Variants in ATP6V0A4 observed in about 807,000 individuals in gnomAD.
ATP6V0A4 encodes the protein ATPase H+ transporting V0 subunit a4.
ATP6V0A4 carries 86 observed loss-of-function variants against 107.3 expected under a neutral mutation model. The ratio of observed to expected loss-of-function variants is 0.80; its 90% CI spans 0.67 to 0.96. ATP6V0A4 has a LOEUF of 0.96. Ranked by LOEUF, ATP6V0A4 falls within the 40% of genes least tolerant of loss-of-function variation. ATP6V0A4 has a pLI of 0.00. For missense variants in ATP6V0A4, 908 were observed against 1,045.6 expected, an observed-to-expected ratio of 0.87 and a Z score of 1.81; for synonymous variants, 353 against 381.4, an observed-to-expected ratio of 0.93 and a Z score of 0.87.
chr7:138,745,487 T>A (rs1805868537), intron 13 of ATP6V0A4: 1 of 251,824 alleles, frequency 4.0e-6, no homozygotes. Flanking sequence ...AGTCCTAGGC[T>A]GGTATTTGTT....
chr7:138,766,573 C>T (rs1186552665), intron 5 of ATP6V0A4, among the ~76,000 whole-genome samples: 3 of 151,756 alleles, frequency 2.0e-5, no homozygotes, highest in East Asian at 1.9e-4. Context: ...AAAAGATAAA[C>T]GATATAGCCC....
rs1803368359 is a variant in ATP6V0A4 at position 138,706,412 on chromosome 7, C to A, written c.*212G>T. The A allele has an allele frequency of 1.7e-6, 1 of 587,844 alleles. No homozygotes were observed. Among genetic ancestry groups the A allele is most frequent in the African/African-American group, 1.9e-5 (1 of 54,002 alleles). 36.4% of individuals were successfully genotyped at this position (587,844 alleles called of 1,614,324 possible). A position where few individuals can be genotyped will look rare whatever the true frequency, so the allele number is the denominator to read the frequency against. On this transcript the variant is annotated 3_prime_UTR_variant, in exon 22 of 22. Transcript: ENST00000310018. The stretch of plus-strand genomic sequence containing the variant: ...TTATTATTTGAGAATTAATACCCCA[C>A]ATGAAGACAATATCACTTGCCAAAG...
chr7:138,738,506 GAC>G (rs1249168434), intron 15 of ATP6V0A4, among the ~76,000 whole-genome samples: 1 of 152,134 alleles, frequency 6.6e-6, no homozygotes. Flanking sequence ...AAATTCCTTT[GAC>G]CAAGGACAAC....
chr7:138,712,349 G>T (rs6467792), intron 20 of ATP6V0A4, among the ~76,000 whole-genome samples: 2 of 152,048 alleles, frequency 1.3e-5, no homozygotes, highest in African/African-American at 4.8e-5. Context: ...CCAGGGATGG[G>T]TCTAAATAAG....
intron 20 of ATP6V0A4, among the ~76,000 whole-genome samples, chr7:138,711,253 T>C (rs1803727045): frequency 6.6e-6 from 1 of 152,048 alleles, no homozygotes; most frequent in South Asian, 2.1e-4. Flanking sequence ...AGGTCATGGA[T>C]GGGGATCGGA....
At chr7:138,783,383 C>T (rs4732337) in intron 2 of ATP6V0A4, among the ~76,000 whole-genome samples, 45,641 of 151,578 alleles carry the variant, frequency 0.3, 8,127 homozygotes, top group East Asian at 0.5. Flanking sequence ...CCAGTCTGGG[C>T]AACATAGCAA....
rs777229043 is a variant in ATP6V0A4, at chr7:138,771,268, C to T, written c.-17-4G>A. ...ACCATCTTGGCCCAGCCTCGGTCTA[C>T]AGGAGAAAAAGAAAAAGATATTAAT... On this transcript the variant is annotated splice_polypyrimidine_tract_variant and splice_region_variant and intron_variant, in intron 2 of 21. Coordinates refer to ENST00000310018, the MANE Select transcript of ATP6V0A4 (RefSeq NM_020632.3). 6 of 1,611,716 alleles carry T rather than the reference C, an allele frequency of 3.7e-6. No homozygotes were observed. The highest frequency in any genetic ancestry group is 1.6e-4 in the Middle Eastern group (1 of 6,078).
At chr7:138,765,735 G>GGTTAAT (rs373419932) in intron 5 of ATP6V0A4, among the ~76,000 whole-genome samples, 12 of 151,232 alleles carry the variant, frequency 7.9e-5, no homozygotes, top group African/African-American at 2.9e-4. Context: ...TTATGCTGGT[G>GGTTAAT]GTTTTTGTTT....
At chr7:138,736,813 C>G (rs1384549535) in intron 15 of ATP6V0A4, among the ~76,000 whole-genome samples, 1 of 151,888 alleles carries the variant, frequency 6.6e-6, no homozygotes, top group African/African-American at 2.4e-5. Context: ...TCAAATGATC[C>G]GCATGCCTTG....
intron 2 of ATP6V0A4, among the ~76,000 whole-genome samples, chr7:138,784,395 T>C (rs1475568197): frequency 6.7e-6 from 1 of 149,784 alleles, no homozygotes; most frequent in African/African-American, 2.5e-5. Context: ...CTTGGCTCAC[T>C]GCAAGCTCCG....
At chr7:138,742,064 A>G (rs1199032065) in intron 14 of ATP6V0A4, among the ~76,000 whole-genome samples, 1 of 152,172 alleles carries the variant, frequency 6.6e-6, no homozygotes, top group African/African-American at 2.4e-5. Context: ...GCCTTTCACA[A>G]TCATACTCTA....
At chr7:138,708,074 C>T (rs1415349749) in intron 21 of ATP6V0A4, among the ~76,000 whole-genome samples, 3 of 140,566 alleles carry the variant, frequency 2.1e-5, no homozygotes, top group Non-Finnish European at 3.2e-5. Context: ...TATTTTGAGA[C>T]GGAGTCTCGC....
chr7:138,724,298 T>C (rs1804598498), intron 18 of ATP6V0A4, among the ~76,000 whole-genome samples: 1 of 152,070 alleles, frequency 6.6e-6, no homozygotes, highest in Non-Finnish European at 1.5e-5. Context: ...CGCCATGCCA[T>C]GGCAGCATGG....
intron 20 of ATP6V0A4, among the ~76,000 whole-genome samples, chr7:138,710,067 C>T (rs1211156687): frequency 1.3e-5 from 2 of 152,022 alleles, no homozygotes; most frequent in African/African-American, 4.8e-5. Flanking sequence ...ACTGTGTCAC[C>T]CAGGCTGGAA....
intron 20 of ATP6V0A4, among the ~76,000 whole-genome samples, chr7:138,713,419 C>G (rs1228030646): frequency 6.6e-6 from 1 of 152,050 alleles, no homozygotes; most frequent in Non-Finnish European, 1.5e-5. Flanking sequence ...CACAGCTGAG[C>G]TGTGAAGATC....
chr7:138,790,401 C>T (rs1204843683), intron 1 of ATP6V0A4, among the ~76,000 whole-genome samples: 1 of 152,118 alleles, frequency 6.6e-6, no homozygotes, highest in Non-Finnish European at 1.5e-5. Flanking sequence ...TCAAGCGATT[C>T]TCTTGCCTCC....
rs185202591 is a variant in ATP6V0A4, at chr7:138,747,388, A to T, written c.1320+37T>A. On this transcript the variant is annotated intron_variant, in intron 13 of 21. Coordinates refer to ENST00000310018, the MANE Select transcript of ATP6V0A4 (RefSeq NM_020632.3). ...ACCACATACAGATTTTCATATTCTGAAAATGAATCAGGGCAAGACGGTCAA... is the reference window on the plus strand; with the variant it reads ...ACCACATACAGATTTTCATATTCTGTAAATGAATCAGGGCAAGACGGTCAA... 2.8e-3 allele frequency: 4,417 copies of T among 1,604,352 alleles called. 44 individuals are homozygous for T. The highest frequency in any genetic ancestry group is 0.017 in the South Asian group (1,513 of 90,844).
intron 18 of ATP6V0A4, among the ~76,000 whole-genome samples, chr7:138,723,523 CTTTTT>C (rs10528520): frequency 7.8e-6 from 1 of 128,182 alleles, no homozygotes; most frequent in African/African-American, 2.9e-5. Flanking sequence ...TCTTTCTTTT[CTTTTT>C]TTTTTTTTTT....
intron 1 of ATP6V0A4, among the ~76,000 whole-genome samples, chr7:138,786,582 A>G (rs944007470): frequency 4.4e-5 from 2 of 45,490 alleles, no homozygotes; most frequent in African/African-American, 1.0e-4. Flanking sequence ...TTGTCTCAGG[A>G]AAAAAAAAAA....
Sources: gnomAD v4.1 joint callset for allele counts (sites outside exome capture counted in the v4.1 genomes callset) on GRCh38, gnomAD v4.1.1 for gene constraint, MANE v1.5 for transcripts, NCBI Gene and HGNC (gene_info 2026-07-23, HGNC 2026-07-21) for gene names.